ECT2: variants seen among roughly 807,000 people sequenced by gnomAD.
ECT2 encodes epithelial cell transforming 2.
ECT2 carries 61 observed loss-of-function variants against 116.9 expected under a neutral mutation model. The observed-to-expected ratio is 0.52, with a 90% CI of 0.42 to 0.65. The LOEUF is 0.65. Among genes scored for constraint, ECT2 ranks in the 30% least tolerant of loss-of-function variants. The pLI is 0.00. For synonymous variants in ECT2, 358 were observed against 346.4 expected (o/e 1.03, Z -0.37); for missense variants, 937 against 1,078.7 (o/e 0.87, Z 1.84).
At chr3:172,793,940 A>AT (rs1379330901) in intron 18 of ECT2, among the ~76,000 whole-genome samples, 4 of 151,932 alleles carry the variant, frequency 2.6e-5, no homozygotes, top group African/African-American at 9.7e-5. Context: ...TGAAAAAAAA[A>AT]TTGTGTTTTT....
chr3:172,802,616 G>A lies in ECT2; in HGVS notation c.1908G>A (p.Thr636=), dbSNP rs1726926694. ...AGTTTTAAAAATAACTATTTTTCAGGCATATTAATGAGGATAAGAGAAAAA... is the reference window on the plus strand; with the variant it reads ...AGTTTTAAAAATAACTATTTTTCAGACATATTAATGAGGATAAGAGAAAAA... The part of the protein sequence containing the change: ...KAIGSLKEVM[T]HINEDKRKTE... Residue 636 remains threonine (T), a splice_region_variant and synonymous_variant, in exon 19 of 25, where the codon ACG becomes ACA. Coordinates refer to ENST00000392692, the MANE Select transcript of ECT2 (RefSeq NM_001258315.2). 6.5e-7 allele frequency: 1 copy of A among 1,543,768 alleles called. No individual in the cohort carries two copies. The highest frequency in any genetic ancestry group is 8.8e-7 in the Non-Finnish European group (1 of 1,137,344).
At chr3:172,824,372 A>G (rs1178144268), downstream of ECT2, among the ~76,000 whole-genome samples, 1 of 152,214 alleles carries the variant, frequency 6.6e-6, no homozygotes, top group Non-Finnish European at 1.5e-5. Context: ...TCAGATGGCC[A>G]GAAGCAGGAG....
intron 13 of ECT2, among the ~76,000 whole-genome samples, chr3:172,769,860 T>A (rs775036344): frequency 6.6e-6 from 1 of 152,164 alleles, no homozygotes; most frequent in Non-Finnish European, 1.5e-5. Context: ...TGACATACTG[T>A]TAAGAAAATG....
intron 16 of ECT2, among the ~76,000 whole-genome samples, 159 bp downstream of exon 16, chr3:172,784,068 T>C (rs1305556678): frequency 1.3e-5 from 2 of 152,308 alleles, no homozygotes; most frequent in South Asian, 4.1e-4. Flanking sequence ...TATTTAGCTT[T>C]GGAAGCTTTG....
intron 13 of ECT2, among the ~76,000 whole-genome samples, chr3:172,771,029 T>A (rs967375562): frequency 2.0e-5 from 3 of 152,198 alleles, no homozygotes; most frequent in Non-Finnish European, 4.4e-5. Context: ...CAGAAGGTAA[T>A]GATCGAAGTG....
At chr3:172,755,930 A>T (rs1450776686) in intron 4 of ECT2, among the ~76,000 whole-genome samples, 1 of 152,164 alleles carries the variant, frequency 6.6e-6, no homozygotes, top group Non-Finnish European at 1.5e-5. Flanking sequence ...TTCTTTTCTC[A>T]CAGTTCTGGA....
chr3:172,763,928 G>C (rs1358953359), intron 11 of ECT2, among the ~76,000 whole-genome samples: 1 of 152,216 alleles, frequency 6.6e-6, no homozygotes, highest in Non-Finnish European at 1.5e-5. Flanking sequence ...ATATTGGAAA[G>C]CATTGTGTCC....
At chr3:172,769,846 AG>A (rs1360081627) in intron 13 of ECT2, among the ~76,000 whole-genome samples, 1 of 152,202 alleles carries the variant, frequency 6.6e-6, no homozygotes, top group East Asian at 1.9e-4. Context: ...TAAAAGAGAT[AG>A]GTTGACATAC....
chr3:172,791,071 T>C (rs1724568386), intron 18 of ECT2, among the ~76,000 whole-genome samples: 2 of 152,220 alleles, frequency 1.3e-5, no homozygotes, highest in African/African-American at 4.8e-5. Flanking sequence ...CGAGAGTTGC[T>C]TGAATCCAGT....
At chr3:172,785,578 T>G (rs934947909) in intron 17 of ECT2, among the ~76,000 whole-genome samples, 3 of 150,806 alleles carry the variant, frequency 2.0e-5, no homozygotes, top group Admixed American at 1.3e-4. Context: ...ATAAAAGATA[T>G]AATTCCTAAG....
downstream of ECT2, among the ~76,000 whole-genome samples, chr3:172,823,357 A>G (rs1730762192): frequency 6.6e-6 from 1 of 152,214 alleles, no homozygotes; most frequent in Non-Finnish European, 1.5e-5. Context: ...ATTAGAAGTT[A>G]CCATTAAACA....
chr3:172,815,812 A>G (rs1729596031), intron 23 of ECT2, 101 bp downstream of exon 23: 1 of 779,128 alleles, frequency 1.3e-6, no homozygotes, highest in African/African-American at 1.8e-5. Flanking sequence ...ATAGTTTATA[A>G]AACAAAGCTG....
chr3:172,773,229 C>T (rs1015019590), intron 13 of ECT2, among the ~76,000 whole-genome samples: 1 of 152,020 alleles, frequency 6.6e-6, no homozygotes, highest in African/African-American at 2.4e-5. Flanking sequence ...TAGTTTTTAG[C>T]ATCATGAACA....
intron 14 of ECT2, among the ~76,000 whole-genome samples, chr3:172,774,791 A>G (rs1035333938): frequency 4.6e-5 from 7 of 152,306 alleles, no homozygotes; most frequent in Middle Eastern, 3.4e-3. Context: ...GCCATGAGCC[A>G]TTGCACCTAA....
intron 7 of ECT2, 80 bp from the exon 8 acceptor site, chr3:172,761,530 A>T: frequency 1.0e-6 from 1 of 960,444 alleles, no homozygotes. Context: ...ACTGCAAAAA[A>T]TTAAGTATGT....
Position 172,760,250 on chromosome 3 carries a change from G to C in ECT2, c.671G>C (p.Gly224Ala). ...VTHLVANCTQ[G>A]EKFRVAVSLG... ...CATTTGGTGGCAAATTGTACACAAG[G>C]AGAAAAATTCAGGGTATGTAAACTT... Residue 224 changes from glycine (G) to alanine (A), a missense_variant, in exon 7 of 25, where the codon GGA becomes GCA. Physicochemically the swap from Gly to Ala is moderately conservative, Grantham distance 60 (BLOSUM62 0). Coordinates refer to ENST00000392692, the MANE Select transcript of ECT2 (RefSeq NM_001258315.2). 1 of 1,609,074 alleles carries C rather than the reference G, an allele frequency of 6.2e-7. No individual in the cohort carries two copies. The highest frequency in any genetic ancestry group is 1.1e-5 in the South Asian group (1 of 90,438).
Position 172,764,394 on chromosome 3 carries a change from C to T in ECT2, c.1185C>T (p.Asp395=), listed in dbSNP as rs767727293. 1.3e-5 allele frequency: 21 copies of T among 1,614,012 alleles called. No homozygotes were observed. Among genetic ancestry groups the T allele is most frequent in the South Asian group, 1.1e-4 (10 of 91,088 alleles). Residue 395 remains aspartate, a synonymous_variant, in exon 12 of 25, where the codon GAC becomes GAT. Transcript: ENST00000392692. ...TTGCTCAGCTTTCAAGAGAGACAGACGTGTCACCATTTCCACCCCGTAAGC... is the reference window on the plus strand; with the variant it reads ...TTGCTCAGCTTTCAAGAGAGACAGATGTGTCACCATTTCCACCCCGTAAGC... ...ETLAQLSRET[D]VSPFPPRKRP...
intron 17 of ECT2, 63 bp downstream of exon 17, chr3:172,784,866 A>G (rs1723335899): frequency 1.9e-6 from 2 of 1,040,992 alleles, no homozygotes; most frequent in African/African-American, 1.6e-5. Flanking sequence ...TTTCCAAAAA[A>G]GATGAATTTC....
rs775104686 is a variant in ECT2, at chr3:172,784,815, A to T, written c.1825+12A>T. ...ATTACTTTTAAATGGTACTTGTCTGATCTGTTTCAAACTACATCAGATATT... is the reference window on the plus strand; with the variant it reads ...ATTACTTTTAAATGGTACTTGTCTGTTCTGTTTCAAACTACATCAGATATT... On this transcript the variant is annotated intron_variant, in intron 17 of 24. Coordinates refer to ENST00000392692, the MANE Select transcript of ECT2 (RefSeq NM_001258315.2). 6.7e-7 allele frequency: 1 copy of T among 1,497,838 alleles called. No individual in the cohort carries two copies. Among genetic ancestry groups the T allele is most frequent in the South Asian group, 1.2e-5 (1 of 81,792 alleles). 92.8% of individuals were successfully genotyped at this position (1,497,838 alleles called of 1,614,324 possible).
Sources: gnomAD v4.1 joint callset for allele counts (sites outside exome capture counted in the v4.1 genomes callset) on GRCh38, gnomAD v4.1.1 for gene constraint, MANE v1.5 for transcripts, NCBI Gene and HGNC (gene_info 2026-07-23, HGNC 2026-07-21) for gene names.